Variants in DOCK3 observed in about 807,000 individuals in gnomAD.
DOCK3 encodes dedicator of cytokinesis protein 3.
A neutral mutation model predicts 265.6 loss-of-function variants in DOCK3; 60 were observed. The ratio of observed to expected loss-of-function variants is 0.23; its 90% CI spans 0.18 to 0.28. The LOEUF (loss-of-function observed/expected upper bound fraction) is 0.28. DOCK3 is among the 10% of genes least tolerant of loss of function. The pLI is 1.00. For synonymous variants in DOCK3, 881 were observed against 938.0 expected (o/e 0.94, Z 1.11); for missense variants, 1,981 against 2,594.3 (o/e 0.76, Z 5.14).
intron 6 of DOCK3, among the ~76,000 whole-genome samples, chr3:51,066,532 C>T (rs2109295853): frequency 6.6e-6 from 1 of 152,118 alleles, no homozygotes; most frequent in Non-Finnish European, 1.5e-5. Context: ...GATTTGCCAG[C>T]CAGAGTTTTA....
intron 5 of DOCK3, among the ~76,000 whole-genome samples, chr3:51,018,010 A>G (rs1417418744): frequency 6.6e-6 from 1 of 151,460 alleles, no homozygotes; most frequent in Non-Finnish European, 1.5e-5. Flanking sequence ...CTCCTACCTC[A>G]GCCTCCCGAG....
intron 1 of DOCK3, among the ~76,000 whole-genome samples, chr3:50,712,151 A>G (rs1164768506): frequency 6.6e-6 from 1 of 151,980 alleles, no homozygotes; most frequent in Non-Finnish European, 1.5e-5. Context: ...TCTATTTTCC[A>G]TTTATTTCCT....
At chr3:51,360,427 G>T (rs1262172699) in intron 46 of DOCK3, 84 bp from the exon 47 acceptor site, 7 of 1,491,022 alleles carry the variant, frequency 4.7e-6, no homozygotes, top group African/African-American at 4.2e-5. Context: ...TTACATTTTT[G>T]ATCACCAGTC....
intron 3 of DOCK3, among the ~76,000 whole-genome samples, chr3:50,848,668 A>G (rs1387094121): frequency 1.3e-5 from 2 of 152,144 alleles, no homozygotes; most frequent in Non-Finnish European, 2.9e-5. Flanking sequence ...TGTTATCTTG[A>G]TGGGGTTCCC....
chr3:50,868,300 C>G (rs953269966), intron 3 of DOCK3, among the ~76,000 whole-genome samples: 2 of 152,082 alleles, frequency 1.3e-5, no homozygotes, highest in Admixed American at 1.3e-4. Context: ...TCTCAATCTC[C>G]TAACCTCGTG....
intron 4 of DOCK3, among the ~76,000 whole-genome samples, chr3:50,922,464 T>A (rs1394267966): frequency 1.3e-5 from 2 of 152,220 alleles, no homozygotes; most frequent in African/African-American, 4.8e-5. Flanking sequence ...ATGGCTTCCC[T>A]TGGCCAGGAA....
Position 51,120,826 on chromosome 3 carries a change from C to T in DOCK3, c.747-25723C>T, listed in dbSNP as rs1051005782. ...TGGATATCCCTCCTGCCACCAAGCTCGAGCATCCCAGGTTGACTTCAGACT... is the reference window on the plus strand; with the variant it reads ...TGGATATCCCTCCTGCCACCAAGCTTGAGCATCCCAGGTTGACTTCAGACT... On this transcript the variant is annotated intron_variant, in intron 9 of 52. Transcript: ENST00000266037. Among the ~76,000 whole-genome samples, 9 of 152,104 alleles carry T rather than the reference C, an allele frequency of 5.9e-5. No individual in the cohort carries two copies. The East Asian group carries it at 9.7e-4, about 16-fold the overall frequency.
chr3:50,682,458 T>G (rs1334903119), intron 1 of DOCK3, among the ~76,000 whole-genome samples: 1 of 152,196 alleles, frequency 6.6e-6, no homozygotes, highest in African/African-American at 2.4e-5. Flanking sequence ...CTCTCATATA[T>G]TGTTATCTCT....
rs1286093616 is a variant in DOCK3 at position 50,803,743 on chromosome 3, G to T, written c.121+24985G>T. Among the ~76,000 whole-genome samples the T allele has an allele frequency of 2.0e-5, 3 of 151,664 alleles. No individual in the cohort carries two copies. The East Asian group carries it at 5.9e-4, about 30-fold the overall frequency. On this transcript the variant is annotated intron_variant, in intron 2 of 52. Coordinates refer to ENST00000266037, the MANE Select transcript of DOCK3 (RefSeq NM_004947.5). ...CCAGATGGGGCGGCTGGCCGGGCGG[G>T]GGCTGCCCCCCACCTCCCTCCTGGA... is the stretch of plus-strand genomic sequence containing the variant.
chr3:51,274,069 C>G (rs1485331262), intron 24 of DOCK3, among the ~76,000 whole-genome samples: 5 of 152,168 alleles, frequency 3.3e-5, no homozygotes, highest in Non-Finnish European at 7.3e-5. Context: ...AGTAGGACAG[C>G]CTTCCTGAAT....
intron 9 of DOCK3, among the ~76,000 whole-genome samples, chr3:51,121,513 T>A (rs1253069089): frequency 6.6e-6 from 1 of 152,096 alleles, no homozygotes; most frequent in Non-Finnish European, 1.5e-5. Flanking sequence ...ACATGGAGAT[T>A]TCAGTGAGGA....
intron 6 of DOCK3, among the ~76,000 whole-genome samples, chr3:51,071,941 T>C (rs966087548): frequency 3.9e-5 from 6 of 152,184 alleles, no homozygotes; most frequent in African/African-American, 1.4e-4. Flanking sequence ...CTACCCTTTA[T>C]CCATTAAAGA....
At chr3:50,888,564 G>A (rs918451019) in intron 3 of DOCK3, among the ~76,000 whole-genome samples, 1 of 152,108 alleles carries the variant, frequency 6.6e-6, no homozygotes, top group Non-Finnish European at 1.5e-5. Flanking sequence ...TCAATCCTAA[G>A]CCGAAAGAAC....
At chr3:50,942,441 G>A (rs186275897) in intron 5 of DOCK3, among the ~76,000 whole-genome samples, 11 of 152,034 alleles carry the variant, frequency 7.2e-5, no homozygotes, top group Admixed American at 5.2e-4. Context: ...ATTATGCTAT[G>A]CTATTATTTA....
Position 51,350,453 on chromosome 3 carries a change from G to A in DOCK3, c.4107+61G>A, listed in dbSNP as rs935841966. The A allele has an allele frequency of 8.6e-5, 134 of 1,551,282 alleles. No homozygotes were observed. The African/African-American group carries it at 1.6e-3, about 19-fold the overall frequency. On this transcript the variant is annotated intron_variant, in intron 40 of 52. Coordinates refer to ENST00000266037, the MANE Select transcript of DOCK3 (RefSeq NM_004947.5). ...TTTTACGCATAATTCACTTAAAACC[G>A]ATATTCTTTTCTTCCCCTTTTTGCC...
At chr3:50,770,545 G>A (rs2041210394) in intron 1 of DOCK3, among the ~76,000 whole-genome samples, 1 of 151,844 alleles carries the variant, frequency 6.6e-6, no homozygotes, top group African/African-American at 2.4e-5. Context: ...TCAAGGCACT[G>A]CCCATCAAAA....
intron 21 of DOCK3, among the ~76,000 whole-genome samples, chr3:51,239,401 G>C (rs1451539187): frequency 1.3e-5 from 2 of 151,806 alleles, no homozygotes; most frequent in East Asian, 3.9e-4. Flanking sequence ...GTAGAGACGG[G>C]GTTTCACCAT....
chr3:50,710,756 T>C (rs1041817080), intron 1 of DOCK3, among the ~76,000 whole-genome samples: 4 of 152,224 alleles, frequency 2.6e-5, no homozygotes, highest in Non-Finnish European at 4.4e-5. Context: ...GGAACCAGCC[T>C]AAATGCCCAT....
At chr3:51,130,357 G>T (rs1313861622) in intron 9 of DOCK3, among the ~76,000 whole-genome samples, 1 of 152,250 alleles carries the variant, frequency 6.6e-6, no homozygotes, top group East Asian at 1.9e-4. Flanking sequence ...AAGATATATT[G>T]TTGGCCTTGC....
Sources: allele counts gnomAD v4.1 joint callset (sites outside exome capture counted in the v4.1 genomes callset), GRCh38; gene constraint gnomAD v4.1.1; transcripts MANE v1.5; gene names NCBI Gene and HGNC (gene_info 2026-07-23, HGNC 2026-07-21).